Variants in SPATA17 observed in about 807,000 individuals in gnomAD.
SPATA17 encodes spermatogenesis associated 17, also known as spermatogenesis-associated protein 17.
In SPATA17, 53 loss-of-function variants were observed where a neutral mutation model predicts 62.2. The observed-to-expected ratio is 0.85, with a 90% CI of 0.68 to 1.07. SPATA17 has a LOEUF of 1.07. Ranked by LOEUF, SPATA17 falls within the 50% of genes least tolerant of loss-of-function variation. The pLI is 0.00. For synonymous variants in SPATA17, 146 were observed against 146.8 expected (o/e 0.99, Z 0.04); for missense variants, 466 against 425.5 (o/e 1.10, Z -0.84).
At chr1:217,656,002 C>T (rs1034450640) in intron 3 of SPATA17, among the ~76,000 whole-genome samples, 3 of 152,042 alleles carry the variant, frequency 2.0e-5, no homozygotes, top group African/African-American at 7.3e-5. Flanking sequence ...CTCAGCCTCC[C>T]AAGTAGCTGG....
intron 3 of SPATA17, among the ~76,000 whole-genome samples, chr1:217,658,672 G>A (rs565793991): frequency 1.0e-3 from 155 of 152,070 alleles, no homozygotes; most frequent in African/African-American, 3.4e-3. Flanking sequence ...GCAGGAGAAT[G>A]GCGTGAACCC....
intron 5 of SPATA17, among the ~76,000 whole-genome samples, chr1:217,696,459 C>T (rs150620998): frequency 1.3e-5 from 2 of 152,210 alleles, no homozygotes; most frequent in African/African-American, 2.4e-5. Flanking sequence ...TCTTCTGCGT[C>T]GCTCCGCTCA....
chr1:217,680,643 G>A (rs1228099492), intron 4 of SPATA17, among the ~76,000 whole-genome samples: 2 of 152,012 alleles, frequency 1.3e-5, no homozygotes. Context: ...AGTTATTGTT[G>A]GCTGGGTGTG....
intron 8 of SPATA17, 45 bp from the exon 9 acceptor site, chr1:217,801,673 T>C (rs1158891897): frequency 6.6e-7 from 1 of 1,511,106 alleles, no homozygotes; most frequent in Non-Finnish European, 9.0e-7. Context: ...AAATCAAATG[T>C]CTCTAGAAAT....
At chr1:217,847,858 C>A (rs1675562779) in intron 9 of SPATA17, among the ~76,000 whole-genome samples, 1 of 151,806 alleles carries the variant, frequency 6.6e-6, no homozygotes, top group African/African-American at 2.4e-5. Flanking sequence ...ACAGTGAGAC[C>A]CCATCCCTAC....
intron 6 of SPATA17, among the ~76,000 whole-genome samples, chr1:217,752,059 T>C (rs963594704): frequency 1.3e-5 from 2 of 152,200 alleles, no homozygotes; most frequent in African/African-American, 4.8e-5. Flanking sequence ...TTTCTTTAGA[T>C]ACAGAGTCTC....
intron 4 of SPATA17, among the ~76,000 whole-genome samples, chr1:217,672,332 T>C (rs1670851506): frequency 6.6e-6 from 1 of 152,198 alleles, no homozygotes. Flanking sequence ...AGAAAGAATC[T>C]CTAAGGGTAA....
At chr1:217,853,310 A>G (rs1312596761) in intron 9 of SPATA17, among the ~76,000 whole-genome samples, 1 of 152,186 alleles carries the variant, frequency 6.6e-6, no homozygotes, top group Non-Finnish European at 1.5e-5. Flanking sequence ...AAATTATTTC[A>G]TATTAAACTA....
chr1:217,763,407 AAC>A (rs1673218863), intron 6 of SPATA17, among the ~76,000 whole-genome samples: 1 of 152,106 alleles, frequency 6.6e-6, no homozygotes. Context: ...GAAAAAAAAA[AAC>A]ATTTTTGGTG....
Position 217,712,128 on chromosome 1 carries a change from C to CTTTTTTTTTTTTTTTTTTTTTTTTTTTTT in SPATA17, c.395+28771_395+28772insTTTTTTTTTTTTTTTTTTTTTTTTTTTTT, listed in dbSNP as rs551988828. The stretch of plus-strand genomic sequence containing the variant: ...GGACCCTTAAGTTCTACAATATGTT[C>CTTTTTTTTTTTTTTTTTTTTTTTTTTTTT]TTTTGTTTTTTTTTTTTTACGGAGT... On this transcript the variant is annotated intron_variant, in intron 5 of 10. Coordinates refer to ENST00000366933, the MANE Select transcript of SPATA17 (RefSeq NM_138796.4). Among the ~76,000 whole-genome samples, 16 of 134,138 alleles carry CTTTTTTTTTTTTTTTTTTTTTTTTTTTTT rather than the reference C, an allele frequency of 1.2e-4. 4 individuals are homozygous for CTTTTTTTTTTTTTTTTTTTTTTTTTTTTT. Among genetic ancestry groups the CTTTTTTTTTTTTTTTTTTTTTTTTTTTTT allele is most frequent in the Middle Eastern group, 4.1e-3 (1 of 242 alleles). The allele number at this position is 134,138 out of a possible 152,430, so 88.0% of individuals were successfully genotyped here.
chr1:217,834,978 A>C (rs1675229601), intron 9 of SPATA17, among the ~76,000 whole-genome samples: 1 of 152,166 alleles, frequency 6.6e-6, no homozygotes, highest in Non-Finnish European at 1.5e-5. Context: ...ATAGTGTTAC[A>C]GTTGCCTACA....
chr1:217,675,089 CT>C (rs756562787), intron 4 of SPATA17, among the ~76,000 whole-genome samples: 37 of 152,216 alleles, frequency 2.4e-4, no homozygotes, highest in Admixed American at 1.1e-3. Flanking sequence ...TGGGGTTTCA[CT>C]GGACCCCTTC....
At chr1:217,772,188 C>T (rs996156962) in intron 6 of SPATA17, among the ~76,000 whole-genome samples, 5 of 152,090 alleles carry the variant, frequency 3.3e-5, no homozygotes, top group African/African-American at 1.2e-4. Context: ...TTTATAATTG[C>T]CATCCACTTA....
chr1:217,797,988 C>T (rs1674198147), intron 8 of SPATA17, among the ~76,000 whole-genome samples: 1 of 152,088 alleles, frequency 6.6e-6, no homozygotes, highest in South Asian at 2.1e-4. Context: ...AGTTCCTGTC[C>T]TTCCAGTGTT....
intron 9 of SPATA17, among the ~76,000 whole-genome samples, chr1:217,834,739 G>C (rs1675222787): frequency 6.6e-6 from 1 of 151,974 alleles, no homozygotes; most frequent in Non-Finnish European, 1.5e-5. Context: ...TAATATTAAA[G>C]AAAGATAAAT....
At chr1:217,758,809 A>G (rs1673107026) in intron 6 of SPATA17, among the ~76,000 whole-genome samples, 1 of 152,218 alleles carries the variant, frequency 6.6e-6, no homozygotes, top group South Asian at 2.1e-4. Flanking sequence ...TATGGGTAAC[A>G]AGAATAAGAA....
chr1:217,809,472 C>T (rs570083440), intron 9 of SPATA17, among the ~76,000 whole-genome samples: 1 of 152,320 alleles, frequency 6.6e-6, no homozygotes, highest in Non-Finnish European at 1.5e-5. Context: ...ACACTGGCAT[C>T]TTCCTGGCTT....
intron 9 of SPATA17, among the ~76,000 whole-genome samples, chr1:217,856,534 T>C (rs990105529): frequency 2.0e-5 from 3 of 152,204 alleles, no homozygotes; most frequent in Admixed American, 1.3e-4. Flanking sequence ...TCACACAATA[T>C]GCAAAGGAAC....
At chr1:217,744,713 AGGCACTAT>A (rs1672707894) in intron 6 of SPATA17, among the ~76,000 whole-genome samples, 1 of 152,158 alleles carries the variant, frequency 6.6e-6, no homozygotes, top group African/African-American at 2.4e-5. Flanking sequence ...ATTATTTTTG[AGGCACTAT>A]GGCAAGGTTG....
Sources: gnomAD v4.1 joint callset for allele counts (sites outside exome capture counted in the v4.1 genomes callset) on GRCh38, gnomAD v4.1.1 for gene constraint, MANE v1.5 for transcripts, NCBI Gene and HGNC (gene_info 2026-07-23, HGNC 2026-07-21) for gene names.